PTPRD: variants seen among roughly 807,000 people sequenced by gnomAD.
The protein encoded by PTPRD is receptor-type tyrosine-protein phosphatase delta.
A neutral mutation model predicts 214.5 loss-of-function variants in PTPRD; 34 were observed. The ratio of observed to expected loss-of-function variants is 0.16; its 90% confidence interval spans 0.12 to 0.21. The LOEUF (loss-of-function observed/expected upper bound fraction) is 0.21, where lower values mean the gene tolerates loss of function less well. Ranked by LOEUF, PTPRD falls within the 10% of genes least tolerant of loss-of-function variation. The probability of loss-of-function intolerance (pLI) is 1.00; values close to 1 mark genes in which losing one functional copy is unlikely to be tolerated. For missense variants in PTPRD, 2,545 were observed against 2,398.7 expected, an observed-to-expected ratio of 1.06 and a Z score of -1.27; for synonymous variants, 1,128 against 845.7, an observed-to-expected ratio of 1.33 and a Z score of -5.79.
intron 12 of PTPRD, among the ~76,000 whole-genome samples, chr9:8,646,529 T>C (rs2096695786): frequency 6.6e-6 from 1 of 152,116 alleles, no homozygotes; most frequent in Non-Finnish European, 1.5e-5. Flanking sequence ...GTACAGGCTG[T>C]TCCCTCATGT....
At chr9:9,469,177 T>TA (rs1004146235) in intron 8 of PTPRD, among the ~76,000 whole-genome samples, 3 of 152,262 alleles carry the variant, frequency 2.0e-5, no homozygotes, top group African/African-American at 7.2e-5. Context: ...ATATTATGTA[T>TA]AAGTTGAAAT....
intron 8 of PTPRD, among the ~76,000 whole-genome samples, chr9:9,477,074 A>T (rs2095104358): frequency 6.6e-6 from 1 of 152,184 alleles, no homozygotes; most frequent in African/African-American, 2.4e-5. Context: ...TAGCAATGCA[A>T]AAAAGGTACT....
chr9:9,579,620 T>C (rs1427531695), intron 7 of PTPRD, among the ~76,000 whole-genome samples: 1 of 152,050 alleles, frequency 6.6e-6, no homozygotes, highest in Non-Finnish European at 1.5e-5. Context: ...CTAGTAAGTG[T>C]TGTTCCCCTC....
chr9:10,529,921 G>T (rs767753100), intron 2 of PTPRD, among the ~76,000 whole-genome samples: 8 of 151,862 alleles, frequency 5.3e-5, no homozygotes, highest in Non-Finnish European at 1.2e-4. Context: ...GGGGGCAAGA[G>T]AAGGGAGAGC....
chr9:10,032,827 A>G (rs1015496463), intron 4 of PTPRD, among the ~76,000 whole-genome samples: 1 of 151,710 alleles, frequency 6.6e-6, no homozygotes, highest in African/African-American at 2.4e-5. Flanking sequence ...TTACATTTCA[A>G]CTGTATGCAA....
chr9:9,072,134 A>C (rs2099744632), intron 10 of PTPRD, among the ~76,000 whole-genome samples: 1 of 152,178 alleles, frequency 6.6e-6, no homozygotes, highest in Non-Finnish European at 1.5e-5. Flanking sequence ...CCAAACTTTA[A>C]ATTAACTGCA....
At chr9:9,478,810 A>C (rs1057345412) in intron 8 of PTPRD, among the ~76,000 whole-genome samples, 9 of 152,216 alleles carry the variant, frequency 5.9e-5, no homozygotes, top group African/African-American at 2.2e-4. Flanking sequence ...CTCGAGTTTA[A>C]TCCTCAGAAT....
chr9:10,165,550 G>A (rs751018062), intron 3 of PTPRD, among the ~76,000 whole-genome samples: 2 of 151,540 alleles, frequency 1.3e-5, no homozygotes, highest in Admixed American at 6.6e-5. Flanking sequence ...ATGACAATAC[G>A]GCTAGTAAAA....
chr9:8,326,543 G>A (rs887380507), intron 44 of PTPRD, among the ~76,000 whole-genome samples: 1 of 151,416 alleles, frequency 6.6e-6, no homozygotes, highest in African/African-American at 2.4e-5. Context: ...TTTTTGTTGT[G>A]TCTCTGCCAG....
intron 9 of PTPRD, among the ~76,000 whole-genome samples, chr9:9,374,825 G>C (rs1181715462): frequency 6.6e-6 from 1 of 152,120 alleles, no homozygotes; most frequent in African/African-American, 2.4e-5. Context: ...CATCTTTCAA[G>C]TCTCCTAAAT....
intron 7 of PTPRD, among the ~76,000 whole-genome samples, chr9:9,593,028 G>C (rs1163244030): frequency 6.6e-6 from 1 of 150,668 alleles, no homozygotes; most frequent in Admixed American, 6.6e-5. Flanking sequence ...CTGGGTGAGA[G>C]AGCAAGACTC....
At chr9:10,470,682 T>C (rs2131682721) in intron 2 of PTPRD, among the ~76,000 whole-genome samples, 1 of 152,172 alleles carries the variant, frequency 6.6e-6, no homozygotes, top group South Asian at 2.1e-4. Flanking sequence ...ATAGCTCCCT[T>C]CTCCCCAGTT....
At chr9:9,884,801 C>T (rs987799295) in intron 5 of PTPRD, among the ~76,000 whole-genome samples, 1 of 152,158 alleles carries the variant, frequency 6.6e-6, no homozygotes, top group South Asian at 2.1e-4. Flanking sequence ...TTGCTTGGCA[C>T]TTCTCCTTGC....
intron 12 of PTPRD, among the ~76,000 whole-genome samples, chr9:8,714,898 A>G (rs999693782): frequency 2.0e-5 from 3 of 152,126 alleles, no homozygotes; most frequent in African/African-American, 7.2e-5. Flanking sequence ...TTTATTGTTC[A>G]ATTTCATAAT....
chr9:10,347,298 T>G (rs761148792), intron 2 of PTPRD, among the ~76,000 whole-genome samples: 1 of 152,196 alleles, frequency 6.6e-6, no homozygotes, highest in Non-Finnish European at 1.5e-5. Flanking sequence ...AATAAAATTT[T>G]TGTTGATGCA....
At chr9:9,142,378 G>C (rs1030744205) in intron 10 of PTPRD, among the ~76,000 whole-genome samples, 2 of 152,130 alleles carry the variant, frequency 1.3e-5, no homozygotes, top group Admixed American at 1.3e-4. Flanking sequence ...AATGAGCTTG[G>C]GAGTTTTATT....
At chr9:10,247,393 C>A (rs534598375) in intron 3 of PTPRD, among the ~76,000 whole-genome samples, 1 of 152,082 alleles carries the variant, frequency 6.6e-6, no homozygotes, top group Non-Finnish European at 1.5e-5. Context: ...TTATTAATTA[C>A]GTAAAAAATT....
At chr9:9,072,225 G>A (rs773308511) in intron 10 of PTPRD, among the ~76,000 whole-genome samples, 13 of 151,276 alleles carry the variant, frequency 8.6e-5, no homozygotes, top group Non-Finnish European at 1.9e-4. Context: ...AAGCTTAGTA[G>A]GGTTAGAATC....
intron 43 of PTPRD, among the ~76,000 whole-genome samples, chr9:8,338,547 A>G (rs531047578): frequency 6.6e-6 from 1 of 152,206 alleles, no homozygotes; most frequent in East Asian, 1.9e-4. Flanking sequence ...GCAAAACAAC[A>G]ACATATTTAG....
Sources: gnomAD v4.1 joint callset for allele counts (sites outside exome capture counted in the v4.1 genomes callset) on GRCh38, gnomAD v4.1.1 for gene constraint, MANE v1.5 for transcripts, NCBI Gene and HGNC (gene_info 2026-07-23, HGNC 2026-07-21) for gene names.